Variants in LRBA observed in about 807,000 individuals in gnomAD.
The protein encoded by LRBA is LPS responsive beige-like anchor protein, also known as lipopolysaccharide-responsive and beige-like anchor protein.
LRBA carries 176 observed loss-of-function variants against 330.0 expected under a neutral mutation model. The observed-to-expected ratio is 0.53, with a 90% confidence interval of 0.47 to 0.60. LRBA has a LOEUF of 0.60. Among genes scored for constraint, LRBA ranks in the 20% least tolerant of loss-of-function variants. The pLI, the probability that LRBA is intolerant of heterozygous loss-of-function variation, is 0.00. For missense variants in LRBA, 3,259 were observed against 3,444.8 expected (o/e 0.95, Z 1.35); for synonymous variants, 1,230 against 1,193.0 (o/e 1.03, Z -0.64).
Position 150,867,755 on chromosome 4 carries a change from G to C in LRBA, c.2682C>G (p.Phe894Leu). Residue 894 changes from phenylalanine to leucine, a missense_variant, in exon 22 of 57, where the codon TTC (phenylalanine) becomes TTG (leucine). Transcript: ENST00000651943. ...TGACTGCATGGTAAAGCAGGATTCT[G>C]AATATGGCGTATACCATTTCTGTTA... ...QKITEMVYAI[F>L]RILLYHAVKY... 2 of 1,613,732 alleles carry C rather than the reference G, an allele frequency of 1.2e-6. No individual in the cohort carries two copies. The highest frequency in any genetic ancestry group is 1.7e-6 in the Non-Finnish European group (2 of 1,179,738).
chr4:150,320,420 CT>C (rs11290413), intron 50 of LRBA, among the ~76,000 whole-genome samples: 83,534 of 150,990 alleles, frequency 0.55, 24,023 homozygotes, highest in Non-Finnish European at 0.65. Context: ...TTTAAGTGTT[CT>C]TTTTTTTTTC....
chr4:150,428,182 G>A (rs1017009968), intron 46 of LRBA, among the ~76,000 whole-genome samples: 3 of 151,706 alleles, frequency 2.0e-5, no homozygotes, highest in Non-Finnish European at 4.4e-5. Context: ...GTATCTCTTA[G>A]GACTTAATTG....
At chr4:150,728,807 T>C (rs1730055361) in intron 36 of LRBA, among the ~76,000 whole-genome samples, 4 of 152,116 alleles carry the variant, frequency 2.6e-5, no homozygotes, top group South Asian at 2.1e-4. Flanking sequence ...GAACATGTAC[T>C]TTCACCACTA....
intron 37 of LRBA, among the ~76,000 whole-genome samples, chr4:150,669,268 C>G (rs1255215064): frequency 2.0e-5 from 3 of 152,144 alleles, no homozygotes; most frequent in African/African-American, 7.2e-5. Flanking sequence ...ACTCAGCTTC[C>G]TCTAATGTTA....
At chr4:150,548,541 CACTT>C (rs939025822) in intron 40 of LRBA, among the ~76,000 whole-genome samples, 13 of 152,088 alleles carry the variant, frequency 8.5e-5, no homozygotes, top group African/African-American at 3.1e-4. Context: ...TCTAATGTAA[CACTT>C]AACTCTGCAT....
At chr4:150,975,821 T>C (rs1376330857) in intron 2 of LRBA, among the ~76,000 whole-genome samples, 1 of 151,930 alleles carries the variant, frequency 6.6e-6, no homozygotes, top group East Asian at 1.9e-4. Flanking sequence ...AATGGAAATA[T>C]GGGACAGTAT....
chr4:150,928,242 A>G (rs1333916040), intron 4 of LRBA, among the ~76,000 whole-genome samples: 1 of 152,198 alleles, frequency 6.6e-6, no homozygotes, highest in Non-Finnish European at 1.5e-5. Flanking sequence ...CTCTACATTT[A>G]TCTTTTTTTC....
chr4:150,706,624 A>G (rs1785651006), intron 36 of LRBA, among the ~76,000 whole-genome samples: 1 of 151,656 alleles, frequency 6.6e-6, no homozygotes, highest in African/African-American at 2.4e-5. Context: ...TAACTTCTGT[A>G]AGGCAACAAA....
intron 36 of LRBA, among the ~76,000 whole-genome samples, chr4:150,731,296 T>C (rs955853111): frequency 2.6e-5 from 4 of 152,128 alleles, no homozygotes; most frequent in South Asian, 2.1e-4. Flanking sequence ...TAGGTATATA[T>C]CCAAAAGAAA....
chr4:150,953,212 A>T (rs1737051973), intron 2 of LRBA, among the ~76,000 whole-genome samples: 1 of 152,246 alleles, frequency 6.6e-6, no homozygotes, highest in Non-Finnish European at 1.5e-5. Flanking sequence ...TCAGCAGAAG[A>T]TCAACATGAA....
chr4:150,467,668 A>G lies in LRBA; in HGVS notation c.6780+5T>C. 1 of 1,505,018 alleles carries G rather than the reference A, an allele frequency of 6.6e-7. No individual in the cohort carries two copies. The allele number at this position is 1,505,018 out of a possible 1,614,324, so 93.2% of individuals were successfully genotyped here. A position where few individuals can be genotyped will look rare whatever the true frequency, so the allele number is the denominator to read the frequency against. ...TTATATTTCACATCATTACTGAGAA[A>G]TTACCTTGGACAAATCTCTGAAGTT... On this transcript the variant is annotated splice_donor_5th_base_variant and intron_variant, in intron 44 of 56. Coordinates refer to ENST00000651943, the MANE Select transcript of LRBA (RefSeq NM_001364905.1).
chr4:150,314,621 A>G (rs1034379286), intron 51 of LRBA: 1 of 152,162 alleles, frequency 6.6e-6, no homozygotes, highest in Admixed American at 6.6e-5. Flanking sequence ...TGTGCCAGGA[A>G]AATCTGACAA....
At position 150,315,635 on chromosome 4, in the gene LRBA, A is replaced by G. The variant is rs1731627404; in HGVS notation, c.7631-12T>C. The G allele has an allele frequency of 6.4e-7, 1 of 1,562,236 alleles. No individual in the cohort carries two copies. Among genetic ancestry groups the G allele is most frequent in the Non-Finnish European group, 8.6e-7 (1 of 1,159,022 alleles). ...AGCACCTTGATGAGCTGGAATTCAC[A>G]AAAGATAAAGAAAAAAGGCATTATT... On this transcript the variant is annotated splice_polypyrimidine_tract_variant and intron_variant, in intron 50 of 56. Coordinates refer to ENST00000651943, the MANE Select transcript of LRBA (RefSeq NM_001364905.1).
At chr4:150,712,999 C>T (rs548934252) in intron 36 of LRBA, among the ~76,000 whole-genome samples, 53 of 152,152 alleles carry the variant, frequency 3.5e-4, no homozygotes, top group African/African-American at 1.2e-3. Flanking sequence ...TACAGTGGCC[C>T]GATTACAGTG....
intron 37 of LRBA, among the ~76,000 whole-genome samples, chr4:150,661,402 G>A (rs1305403989): frequency 7.3e-5 from 11 of 150,550 alleles, no homozygotes; most frequent in African/African-American, 1.7e-4. Context: ...GCCAGGAGGC[G>A]GAGGTTGCTG....
At chr4:150,559,866 A>AATATATAATTATATATAATT (rs1351512723) in intron 40 of LRBA, among the ~76,000 whole-genome samples, 8 of 75,648 alleles carry the variant, frequency 1.1e-4, no homozygotes, top group Non-Finnish European at 1.6e-4. Context: ...AATTATATAT[A>AATATATAATTATATATAATT]ATATATAATT....
At chr4:151,003,451 AAT>A (rs1288723551) in intron 2 of LRBA, among the ~76,000 whole-genome samples, 1 of 151,988 alleles carries the variant, frequency 6.6e-6, no homozygotes, top group African/African-American at 2.4e-5. Flanking sequence ...AAAAAAAGCC[AAT>A]AGTCAAAGGA....
chr4:150,489,578 TATATA>T (rs1200306681), intron 41 of LRBA, among the ~76,000 whole-genome samples: 5 of 71,882 alleles, frequency 7.0e-5, no homozygotes, highest in African/African-American at 1.8e-4. Flanking sequence ...TATATAAGAA[TATATA>T]ATATATTATA....
chr4:150,946,284 T>C (rs1579284291), intron 2 of LRBA, among the ~76,000 whole-genome samples: 1 of 152,144 alleles, frequency 6.6e-6, no homozygotes, highest in South Asian at 2.1e-4. Flanking sequence ...GAAGAACTAA[T>C]TGACATTTAT....
Sources: allele counts gnomAD v4.1 joint callset (sites outside exome capture counted in the v4.1 genomes callset), GRCh38; gene constraint gnomAD v4.1.1; transcripts MANE v1.5; gene names NCBI Gene and HGNC (gene_info 2026-07-23, HGNC 2026-07-21).